Variants in SLC25A40 observed in about 807,000 individuals in gnomAD.
The protein encoded by SLC25A40 is mitochondrial glutathione transporter SLC25A40.
Under a neutral mutation model 46.5 loss-of-function variants are expected in SLC25A40, and 41 were observed. The observed-to-expected ratio is 0.88, with a 90% CI of 0.69 to 1.14. The LOEUF (loss-of-function observed/expected upper bound fraction) is 1.14. SLC25A40 is among the 50% of genes most tolerant of loss of function. SLC25A40 has a pLI of 0.00. For synonymous variants in SLC25A40, 126 were observed against 127.5 expected (o/e 0.99, Z 0.08); for missense variants, 386 against 393.6 (o/e 0.98, Z 0.16).
At position 87,847,136 on chromosome 7, in the gene SLC25A40, G is replaced by GT; in HGVS notation, c.458-15dup. On this transcript the variant is annotated splice_polypyrimidine_tract_variant and intron_variant, in intron 7 of 11. Coordinates refer to ENST00000341119, the MANE Select transcript of SLC25A40 (RefSeq NM_018843.4). Reference sequence around the variant, plus strand: ...TTACTGCACCAACTAATACAAACAAGTTAAAAAAAAGAAAACAAAAATAAA... The same window carrying GT: ...TTACTGCACCAACTAATACAAACAAGTTTAAAAAAAAGAAAACAAAAATAAA... 1 of 1,544,864 alleles carries GT rather than the reference G, an allele frequency of 6.5e-7. No individual in the cohort carries two copies. The highest frequency in any genetic ancestry group is 8.7e-7 in the Non-Finnish European group (1 of 1,145,016).
At chr7:87,858,401 T>G (rs1477326296) in intron 3 of SLC25A40, among the ~76,000 whole-genome samples, 1 of 152,186 alleles carries the variant, frequency 6.6e-6, no homozygotes, top group African/African-American at 2.4e-5. Context: ...AAATCCTTAA[T>G]AAAACTTGCT....
chr7:87,852,768 T>G (rs1265757609), intron 5 of SLC25A40, among the ~76,000 whole-genome samples: 1 of 152,090 alleles, frequency 6.6e-6, no homozygotes, highest in Non-Finnish European at 1.5e-5. Flanking sequence ...AGCAACTCAA[T>G]GGAGGAAATT....
At position 87,841,646 on chromosome 7, in the gene SLC25A40, A is replaced by G. The variant is rs143870605; in HGVS notation, c.810T>C (p.Tyr270=). 423 of 1,505,240 alleles carry G rather than the reference A, an allele frequency of 2.8e-4. No homozygotes were observed. The African/African-American group carries it at 4.7e-3, about 17-fold the overall frequency. 93.2% of individuals were successfully genotyped at this position (1,505,240 alleles called of 1,614,324 possible). The change falls in exon 10 of 12, where the codon TAT becomes TAC. Residue 270 remains tyrosine, a synonymous_variant. Coordinates refer to ENST00000341119, the MANE Select transcript of SLC25A40 (RefSeq NM_018843.4). The part of the protein sequence containing the change: ...KTQKQTQLWT[Y]ESHKISMPLH... Reference sequence around the variant, plus strand: ...AATTAAACTTACTTTTATGACTTTCATATGTCCAAAGTTGTGTCTGCTTTT... The same window carrying G: ...AATTAAACTTACTTTTATGACTTTCGTATGTCCAAAGTTGTGTCTGCTTTT...
At chr7:87,858,965 A>C (rs1044788951) in intron 2 of SLC25A40, among the ~76,000 whole-genome samples, 3 of 152,180 alleles carry the variant, frequency 2.0e-5, no homozygotes, top group African/African-American at 7.2e-5. Flanking sequence ...TCCCCAATAG[A>C]GTACAGAGGT....
At chr7:87,836,894 T>G in intron 10 of SLC25A40, 84 bp from the exon 11 acceptor site, 1 of 731,178 alleles carries the variant, frequency 1.4e-6, no homozygotes, top group Non-Finnish European at 2.1e-6. Flanking sequence ...TCCATGGCCC[T>G]TGCGGATATA....
At chr7:87,848,965 T>C (rs1838464897) in intron 6 of SLC25A40, among the ~76,000 whole-genome samples, 1 of 152,194 alleles carries the variant, frequency 6.6e-6, no homozygotes. Context: ...CCATTAAAAG[T>C]ATAAAGTTCT....
chr7:87,873,778 C>T (rs1379132375), intron 1 of SLC25A40, among the ~76,000 whole-genome samples: 2 of 152,064 alleles, frequency 1.3e-5, no homozygotes, highest in Non-Finnish European at 2.9e-5. Context: ...AGGGACAGGG[C>T]CAGCAATGAA....
intron 8 of SLC25A40, among the ~76,000 whole-genome samples, chr7:87,844,996 C>T (rs1213753095): frequency 6.6e-6 from 1 of 152,082 alleles, no homozygotes; most frequent in Non-Finnish European, 1.5e-5. Flanking sequence ...CGGCTTTGGT[C>T]CCAGCTACTC....
intron 1 of SLC25A40, among the ~76,000 whole-genome samples, 188 bp downstream of exon 1, chr7:87,875,908 G>A (rs946281797): frequency 6.6e-6 from 1 of 152,178 alleles, no homozygotes; most frequent in East Asian, 1.9e-4. Flanking sequence ...GGTGGGGTCG[G>A]CAGTGACCGC....
chr7:87,843,973 A>G, intron 8 of SLC25A40, 110 bp from the exon 9 acceptor site: 18 of 1,360,228 alleles, frequency 1.3e-5, no homozygotes, highest in Middle Eastern at 2.7e-4. Context: ...TAACCTTGAC[A>G]TACCTTGCTT....
At chr7:87,868,549 C>T (rs146740022) in intron 1 of SLC25A40, among the ~76,000 whole-genome samples, 55 of 152,242 alleles carry the variant, frequency 3.6e-4, no homozygotes, top group Non-Finnish European at 6.5e-4. Context: ...TTGGGGTTCC[C>T]ACAACTCCCT....
chr7:87,842,216 A>T (rs2130997714), intron 9 of SLC25A40: 1 of 155,566 alleles, frequency 6.4e-6, no homozygotes, highest in Non-Finnish European at 1.4e-5. Context: ...AGTTATGTAA[A>T]TGTTTACATA....
chr7:87,850,746 G>C (rs1838494844), intron 5 of SLC25A40, among the ~76,000 whole-genome samples: 1 of 150,980 alleles, frequency 6.6e-6, no homozygotes, highest in Non-Finnish European at 1.5e-5. Flanking sequence ...CCAGGCCTGG[G>C]CAACAGAGTG....
chr7:87,864,522 A>C (rs937778173), intron 1 of SLC25A40, among the ~76,000 whole-genome samples: 11 of 152,208 alleles, frequency 7.2e-5, no homozygotes, highest in African/African-American at 2.7e-4. Flanking sequence ...AAATATTTAT[A>C]ATTGTTATAT....
At chr7:87,867,732 T>C (rs1201685112) in intron 1 of SLC25A40, among the ~76,000 whole-genome samples, 3 of 152,220 alleles carry the variant, frequency 2.0e-5, no homozygotes, top group African/African-American at 7.2e-5. Context: ...CTGGGCATGT[T>C]TGCTTAGACA....
intron 1 of SLC25A40, among the ~76,000 whole-genome samples, chr7:87,868,907 A>C (rs1490325017): frequency 6.6e-6 from 1 of 152,162 alleles, no homozygotes; most frequent in Non-Finnish European, 1.5e-5. Flanking sequence ...CCAAACTTCT[A>C]ATCATGCCTT....
At chr7:87,874,440 A>T (rs1838946172) in intron 1 of SLC25A40, among the ~76,000 whole-genome samples, 1 of 152,230 alleles carries the variant, frequency 6.6e-6, no homozygotes, top group African/African-American at 2.4e-5. Context: ...AATTTTTTTG[A>T]AAGAGTACAC....
rs1223395218 is a variant in SLC25A40, at chr7:87,836,730, C to T, written c.904G>A (p.Gly302Ser). ...AKNGFSGLFS[G>S]LIPRLIKIAP... Reference sequence around the variant, plus strand: ...GATTCGGTAAAGCAAGTATTTTTACCTGAAAATAATCCGGAAAATCCATTT... The same window carrying T: ...GATTCGGTAAAGCAAGTATTTTTACTTGAAAATAATCCGGAAAATCCATTT... The change falls in exon 11 of 12, where the codon GGC becomes AGC. Residue 302 changes from glycine to serine, a missense_variant and splice_region_variant. Physicochemically the swap from Gly to Ser is moderately conservative, Grantham distance 56. Transcript: ENST00000341119. 11 of 1,521,184 alleles carry T rather than the reference C, an allele frequency of 7.2e-6. No individual in the cohort carries two copies. The highest frequency in any genetic ancestry group is 2.9e-5 in the African/African-American group (2 of 69,204). 94.2% of individuals were successfully genotyped at this position (1,521,184 alleles called of 1,614,324 possible).
At chr7:87,848,149 A>G (rs1264216666) in intron 6 of SLC25A40, among the ~76,000 whole-genome samples, 172 bp from the exon 7 acceptor site, 2 of 152,272 alleles carry the variant, frequency 1.3e-5, no homozygotes, top group African/African-American at 4.8e-5. Context: ...AAAAATGATT[A>G]GTACTTAACT....
Sources: allele counts gnomAD v4.1 joint callset (sites outside exome capture counted in the v4.1 genomes callset), GRCh38; gene constraint gnomAD v4.1.1; transcripts MANE v1.5; gene names NCBI Gene and HGNC (gene_info 2026-07-23, HGNC 2026-07-21).